Variants in MDGA2 observed in about 807,000 individuals in gnomAD.
The protein encoded by MDGA2 is MAM domain containing glycosylphosphatidylinositol anchor 2.
MDGA2 carries 40 observed loss-of-function variants against 117.8 expected under a neutral mutation model. The ratio of observed to expected loss-of-function variants is 0.34; its 90% CI spans 0.26 to 0.44. MDGA2 has a LOEUF of 0.44. MDGA2 is among the 20% of genes least tolerant of loss of function. MDGA2 has a pLI of 1.00. For missense variants in MDGA2, 1,123 were observed against 1,250.6 expected (o/e 0.90, Z 1.54); for synonymous variants, 452 against 439.0 (o/e 1.03, Z -0.37).
chr14:47,557,159 T>G (rs1895700113), intron 1 of MDGA2, among the ~76,000 whole-genome samples: 1 of 152,206 alleles, frequency 6.6e-6, no homozygotes. Context: ...CAAATTATTA[T>G]TCAGGAGTAA....
Position 47,248,793 on chromosome 14 carries a change from T to C in MDGA2, c.421-30598A>G, listed in dbSNP as rs187943320. 1.0e-3 allele frequency among the ~76,000 whole-genome samples: 157 copies of C among 152,284 alleles called. 1 individual carries two copies. The highest frequency in any genetic ancestry group is 3.6e-3 in the African/African-American group (151 of 41,566). On this transcript the variant is annotated intron_variant, in intron 2 of 16. Coordinates refer to ENST00000399232, the MANE Select transcript of MDGA2 (RefSeq NM_001113498.3). ...AAGTAATTTTAAAATTTTTGTTGTATTTCTCTAATAGCAAGATTGATTTGA... is the reference window on the plus strand; with the variant it reads ...AAGTAATTTTAAAATTTTTGTTGTACTTCTCTAATAGCAAGATTGATTTGA...
intron 1 of MDGA2, among the ~76,000 whole-genome samples, chr14:47,627,888 G>A (rs961552037): frequency 6.6e-6 from 1 of 152,178 alleles, no homozygotes; most frequent in East Asian, 1.9e-4. Flanking sequence ...GAACCCACCA[G>A]AAGGAAGAAA....
At chr14:47,356,009 T>A (rs1452668556) in intron 1 of MDGA2, among the ~76,000 whole-genome samples, 1 of 152,094 alleles carries the variant, frequency 6.6e-6, no homozygotes, top group Non-Finnish European at 1.5e-5. Flanking sequence ...TGGGTATACA[T>A]CAAGAACTGA....
intron 3 of MDGA2, among the ~76,000 whole-genome samples, chr14:47,164,761 A>G (rs1288041354): frequency 2.6e-5 from 4 of 152,260 alleles, no homozygotes; most frequent in Non-Finnish European, 5.9e-5. Flanking sequence ...GTATATACCC[A>G]AAAGATTATA....
intron 1 of MDGA2, among the ~76,000 whole-genome samples, chr14:47,326,260 A>G (rs963614994): frequency 6.6e-6 from 1 of 152,098 alleles, no homozygotes; most frequent in African/African-American, 2.4e-5. Context: ...TTTAAAATAT[A>G]TATTATATTA....
chr14:46,867,776 G>T (rs1280003802), intron 14 of MDGA2, among the ~76,000 whole-genome samples: 1 of 151,808 alleles, frequency 6.6e-6, no homozygotes, highest in East Asian at 1.9e-4. Flanking sequence ...GATATTGCTG[G>T]TAACATTACT....
intron 1 of MDGA2, among the ~76,000 whole-genome samples, chr14:47,460,404 C>T (rs545406917): frequency 9.2e-5 from 14 of 152,082 alleles, no homozygotes; most frequent in South Asian, 6.2e-4. Context: ...AAATGTAAAA[C>T]ATAAGCACTG....
intron 2 of MDGA2, among the ~76,000 whole-genome samples, chr14:47,272,828 G>C (rs1196676348): frequency 6.6e-6 from 1 of 152,130 alleles, no homozygotes; most frequent in East Asian, 1.9e-4. Flanking sequence ...AAAGTCTATA[G>C]AACAATATAC....
At chr14:46,886,909 A>C (rs1278339105) in intron 10 of MDGA2, among the ~76,000 whole-genome samples, 1 of 151,990 alleles carries the variant, frequency 6.6e-6, no homozygotes, top group African/African-American at 2.4e-5. Context: ...ATATTTCTGC[A>C]TGCATGAGAA....
intron 3 of MDGA2, among the ~76,000 whole-genome samples, chr14:47,202,334 A>C (rs1020790501): frequency 6.6e-6 from 1 of 152,198 alleles, no homozygotes; most frequent in Non-Finnish European, 1.5e-5. Context: ...ACCTAGTAAA[A>C]GGTGGAGATG....
chr14:46,908,478 G>A (rs1467831057), intron 10 of MDGA2, among the ~76,000 whole-genome samples: 1 of 152,052 alleles, frequency 6.6e-6, no homozygotes, highest in Non-Finnish European at 1.5e-5. Context: ...AAACATTTAG[G>A]AGTCTTAACC....
At chr14:47,166,408 G>T (rs1219251608) in intron 3 of MDGA2, among the ~76,000 whole-genome samples, 1 of 151,848 alleles carries the variant, frequency 6.6e-6, no homozygotes, top group African/African-American at 2.4e-5. Context: ...AACATATATA[G>T]AATTTATTTC....
intron 1 of MDGA2, among the ~76,000 whole-genome samples, chr14:47,577,630 T>C (rs906723814): frequency 3.3e-5 from 5 of 152,250 alleles, no homozygotes; most frequent in Middle Eastern, 6.8e-3. Flanking sequence ...GCAAAGGATA[T>C]GAACAGATAC....
At chr14:47,416,504 C>T (rs1209316766) in intron 1 of MDGA2, among the ~76,000 whole-genome samples, 1 of 152,070 alleles carries the variant, frequency 6.6e-6, no homozygotes, top group East Asian at 1.9e-4. Context: ...CTCTTCCAGG[C>T]TAGAATCACA....
chr14:47,539,495 C>A (rs1167651383), intron 1 of MDGA2, among the ~76,000 whole-genome samples: 1 of 151,972 alleles, frequency 6.6e-6, no homozygotes, highest in East Asian at 1.9e-4. Flanking sequence ...GAATAGATAC[C>A]CAGAACATCA....
At chr14:47,551,576 A>G (rs1455996151) in intron 1 of MDGA2, among the ~76,000 whole-genome samples, 1 of 152,170 alleles carries the variant, frequency 6.6e-6, no homozygotes, top group Non-Finnish European at 1.5e-5. Flanking sequence ...TTGATCTCTT[A>G]TTAATCACTG....
At chr14:47,581,042 T>C (rs759190381) in intron 1 of MDGA2, among the ~76,000 whole-genome samples, 7 of 152,030 alleles carry the variant, frequency 4.6e-5, no homozygotes, top group African/African-American at 9.7e-5. Flanking sequence ...TTACAACTTA[T>C]CAAAATGCCT....
intron 7 of MDGA2, 94 bp downstream of exon 7, chr14:47,061,155 G>GA: frequency 2.5e-6 from 3 of 1,222,252 alleles, no homozygotes; most frequent in Admixed American, 2.3e-5. Flanking sequence ...ACTTAAAAGG[G>GA]AAAAAATATT....
chr14:47,584,427 A>T (rs771339392), intron 1 of MDGA2, among the ~76,000 whole-genome samples: 10 of 151,862 alleles, frequency 6.6e-5, no homozygotes, highest in Non-Finnish European at 1.5e-4. Context: ...TGTTATGTAG[A>T]TATAATTTAA....
Sources: allele counts gnomAD v4.1 joint callset (sites outside exome capture counted in the v4.1 genomes callset), GRCh38; gene constraint gnomAD v4.1.1; transcripts MANE v1.5; gene names NCBI Gene and HGNC (gene_info 2026-07-23, HGNC 2026-07-21).